ARL15: variants seen among roughly 807,000 people sequenced by gnomAD.
ARL15 encodes the protein ADP-ribosylation factor-like protein 15.
A neutral mutation model predicts 25.2 loss-of-function variants in ARL15; 19 were observed. That is an observed-to-expected ratio of 0.75 (90% CI 0.53 to 1.10). The LOEUF is 1.10. Ranked by LOEUF, ARL15 falls within the 50% of genes least tolerant of loss-of-function variation. ARL15 has a pLI of 0.00. For synonymous variants in ARL15, 94 were observed against 86.8 expected (o/e 1.08, Z -0.46); for missense variants, 220 against 246.0 (o/e 0.89, Z 0.71).
chr5:54,268,016 C>A (rs1193382678), intron 1 of ARL15, among the ~76,000 whole-genome samples: 1 of 151,822 alleles, frequency 6.6e-6, no homozygotes, highest in East Asian at 1.9e-4. Context: ...TGTTGGCCTG[C>A]CTTGCTAGAT....
chr5:54,157,041 T>G (rs968814904), intron 2 of ARL15, among the ~76,000 whole-genome samples: 138 of 152,276 alleles, frequency 9.1e-4, no homozygotes, highest in African/African-American at 3.2e-3. Flanking sequence ...ATCCTGAAAA[T>G]GAAAAGCTCT....
intron 4 of ARL15, among the ~76,000 whole-genome samples, chr5:53,993,147 A>G (rs1748561961): frequency 6.6e-6 from 1 of 152,218 alleles, no homozygotes; most frequent in Non-Finnish European, 1.5e-5. Context: ...GTGTCATTTC[A>G]CCTGATACAC....
At chr5:53,979,115 C>T (rs1224352797) in intron 4 of ARL15, among the ~76,000 whole-genome samples, 2 of 152,176 alleles carry the variant, frequency 1.3e-5, no homozygotes, top group African/African-American at 4.8e-5. Context: ...TTCAGAACAG[C>T]ACATCTAGAA....
At chr5:54,299,607 T>TTTTG in intron 1 of ARL15, among the ~76,000 whole-genome samples, 1 of 143,736 alleles carries the variant, frequency 7.0e-6, no homozygotes, top group Non-Finnish European at 1.5e-5. Context: ...TTTTTTTTTT[T>TTTTG]TGAGATGGAG....
intron 2 of ARL15, 46 bp downstream of exon 2, chr5:54,171,738 T>C (rs1406199124): frequency 2.6e-6 from 4 of 1,567,788 alleles, no homozygotes; most frequent in Non-Finnish European, 3.5e-6. Context: ...CTAGGACATC[T>C]TGGGATGAGA....
chr5:54,000,814 T>C (rs1651916082), intron 4 of ARL15, among the ~76,000 whole-genome samples: 1 of 152,142 alleles, frequency 6.6e-6, no homozygotes, highest in African/African-American at 2.4e-5. Context: ...AAACCCTTCC[T>C]TGAAAAAAGG....
At position 54,262,362 on chromosome 5, in the gene ARL15, T is replaced by C. The variant is rs147036520; in HGVS notation, c.48+48070A>G. 7.3e-3 allele frequency among the ~76,000 whole-genome samples: 1,106 copies of C among 152,282 alleles called. 15 individuals are homozygous for C. The highest frequency in any genetic ancestry group is 0.025 in the African/African-American group (1,038 of 41,562). ...AGAAGGCCCAGATTATAAAATATTTTACCCCAGGTCATTCAATTAAACAGC... is the reference window on the plus strand; with the variant it reads ...AGAAGGCCCAGATTATAAAATATTTCACCCCAGGTCATTCAATTAAACAGC... On this transcript the variant is annotated intron_variant, in intron 1 of 4. Transcript: ENST00000504924.
At chr5:54,093,669 G>T (rs1752196945) in intron 4 of ARL15, among the ~76,000 whole-genome samples, 2 of 142,202 alleles carry the variant, frequency 1.4e-5, no homozygotes, top group Admixed American at 7.3e-5. Flanking sequence ...AATAATTTAA[G>T]TATAATATAA....
At chr5:53,913,985 C>T (rs1051365607) in intron 4 of ARL15, among the ~76,000 whole-genome samples, 1 of 152,174 alleles carries the variant, frequency 6.6e-6, no homozygotes, top group African/African-American at 2.4e-5. Context: ...CCTGAAATCA[C>T]AGCACCTGAG....
chr5:53,890,578 C>A (rs1036277910), intron 4 of ARL15, among the ~76,000 whole-genome samples: 5 of 152,174 alleles, frequency 3.3e-5, no homozygotes, highest in African/African-American at 4.8e-5. Context: ...AGCTGTCTGA[C>A]AACCTGTGGT....
At chr5:54,213,632 C>T (rs3822491) in intron 1 of ARL15, among the ~76,000 whole-genome samples, 25,244 of 152,062 alleles carry the variant, frequency 0.17, 2,511 homozygotes, top group Admixed American at 0.29. Flanking sequence ...AGAGAACGTT[C>T]TGGAGGAAAA....
intron 4 of ARL15, among the ~76,000 whole-genome samples, chr5:53,910,299 C>T: frequency 6.6e-6 from 1 of 152,158 alleles, no homozygotes; most frequent in East Asian, 1.9e-4. Flanking sequence ...TCTTCCTCTA[C>T]AGGATGTCTA....
chr5:54,145,473 A>G (rs1753876251), intron 3 of ARL15, among the ~76,000 whole-genome samples: 2 of 152,226 alleles, frequency 1.3e-5, no homozygotes, highest in Non-Finnish European at 2.9e-5. Context: ...CTATAAGCAT[A>G]TTACCTCTTC....
chr5:54,072,995 C>G (rs1751474694), intron 4 of ARL15, among the ~76,000 whole-genome samples: 1 of 152,162 alleles, frequency 6.6e-6, no homozygotes, highest in Non-Finnish European at 1.5e-5. Flanking sequence ...CTCAACATGT[C>G]TGGTCACTCA....
intron 4 of ARL15, among the ~76,000 whole-genome samples, chr5:54,059,102 T>C (rs536655421): frequency 3.3e-5 from 5 of 152,350 alleles, no homozygotes; most frequent in African/African-American, 4.8e-5. Flanking sequence ...AAGCCACTTA[T>C]ATAAACCCTC....
chr5:54,055,211 T>C (rs761339358), intron 4 of ARL15, among the ~76,000 whole-genome samples: 4 of 152,194 alleles, frequency 2.6e-5, no homozygotes, highest in Admixed American at 6.5e-5. Flanking sequence ...TTTGTGTCTA[T>C]GGATTTTCCT....
chr5:54,197,903 A>G (rs1755598766), intron 1 of ARL15, among the ~76,000 whole-genome samples: 1 of 152,152 alleles, frequency 6.6e-6, no homozygotes, highest in African/African-American at 2.4e-5. Flanking sequence ...TCAATAAAAT[A>G]CTGGCAAACC....
chr5:53,914,341 C>T (rs988926749), intron 4 of ARL15, among the ~76,000 whole-genome samples: 1 of 152,090 alleles, frequency 6.6e-6, no homozygotes. Context: ...AAGCCCCAAC[C>T]CTACTTGAAA....
At chr5:54,145,638 G>A (rs1753885209) in intron 3 of ARL15, among the ~76,000 whole-genome samples, 1 of 152,148 alleles carries the variant, frequency 6.6e-6, no homozygotes, top group Admixed American at 6.5e-5. Flanking sequence ...GTGCGTGTGT[G>A]TGTGTGTTCA....
Sources: gnomAD v4.1 joint callset for allele counts (sites outside exome capture counted in the v4.1 genomes callset) on GRCh38, gnomAD v4.1.1 for gene constraint, MANE v1.5 for transcripts, NCBI Gene and HGNC (gene_info 2026-07-23, HGNC 2026-07-21) for gene names.